Variants in FTSJ3 observed in about 807,000 individuals in gnomAD.
FTSJ3 encodes the protein pre-rRNA 2'-O-ribose RNA methyltransferase FTSJ3.
FTSJ3 carries 46 observed loss-of-function variants against 111.5 expected under a neutral mutation model. That is an observed-to-expected ratio of 0.41 (90% confidence interval 0.33 to 0.53). FTSJ3 has a LOEUF of 0.53. Among genes scored for constraint, FTSJ3 ranks in the 20% least tolerant of loss-of-function variants. FTSJ3 has a pLI of 0.19. For synonymous variants in FTSJ3, 408 were observed against 383.0 expected (o/e 1.07, Z -0.76); for missense variants, 1,075 against 1,063.8 (o/e 1.01, Z -0.15).
In FTSJ3 at chr17:63,821,823, T is replaced by A; in HGVS notation, c.1496A>T (p.Gln499Leu). 6.2e-7 allele frequency: 1 copy of A among 1,614,122 alleles called. No individual in the cohort carries two copies. The highest frequency in any genetic ancestry group is 8.5e-7 in the Non-Finnish European group (1 of 1,180,034). ...DQKRMRLTEV[Q>L]DDKEEEEEEN... ...CTCCTCCTCCTCCTCTTTATCATCT[T>A]GCACTTCAGTAAGTCGCATACTGTA... Residue 499 changes from glutamine to leucine, a missense_variant, in exon 15 of 21, where the codon CAA becomes CTA. Around this residue, in one of 2 missense-constraint regions of FTSJ3, gnomAD observed 867 missense variants for 796.9 expected, o/e 1.09. Transcript: ENST00000427159.
intron 14 of FTSJ3, 55 bp downstream of exon 14, chr17:63,821,929 C>T (rs1449139705): frequency 3.7e-6 from 6 of 1,612,478 alleles, no homozygotes; most frequent in Non-Finnish European, 5.1e-6. Flanking sequence ...GTAGTACCCA[C>T]CCTAACACTT....
intron 5 of FTSJ3, 126 bp from the exon 6 acceptor site, chr17:63,825,761 C>T: frequency 1.3e-6 from 1 of 746,548 alleles, no homozygotes; most frequent in East Asian, 2.6e-5. Context: ...ACAGGAGATA[C>T]AATAGTAAAC....
intron 19 of FTSJ3, 35 bp from the exon 20 acceptor site, chr17:63,820,208 T>TTCCC: frequency 1.4e-6 from 1 of 694,920 alleles, no homozygotes; most frequent in South Asian, 1.5e-5. Flanking sequence ...CTCTTCCCCA[T>TTCCC]CCCCCCACCC....
Position 63,827,440 on chromosome 17 carries a change from C to T in FTSJ3, c.-415G>A. On this transcript the variant is annotated 5_prime_UTR_variant, in exon 1 of 21. Transcript: ENST00000427159. ...CAGGTCCCAATCCTCCGCTTCCGCGCTTGCGCGCCAAGACGGCTCGGATGC... is the reference window on the plus strand; with the variant it reads ...CAGGTCCCAATCCTCCGCTTCCGCGTTTGCGCGCCAAGACGGCTCGGATGC... 6.4e-7 allele frequency: 1 copy of T among 1,551,720 alleles called. No individual in the cohort carries two copies. The highest frequency in any genetic ancestry group is 8.7e-7 in the Non-Finnish European group (1 of 1,146,986).
In FTSJ3 at chr17:63,826,348, C is replaced by G. The variant is rs376678045; in HGVS notation, c.174-44G>C. On this transcript the variant is annotated intron_variant, in intron 3 of 20. Transcript: ENST00000427159. ...TTTAAAAACCTAGAGCCATCCTTTT[C>G]CCCCTCTTGGCAACTGATCTCTCAT... 63 of 1,589,642 alleles carry G rather than the reference C, an allele frequency of 4.0e-5. No homozygotes were observed. The African/African-American group carries it at 7.9e-4, about 20-fold the overall frequency.
At chr17:63,824,471 G>A in intron 10 of FTSJ3, 60 bp from the exon 11 acceptor site, 1 of 1,579,746 alleles carries the variant, frequency 6.3e-7, no homozygotes, top group Non-Finnish European at 8.7e-7. Flanking sequence ...GCCCCCTTCT[G>A]TTTTAGGCTC....
chr17:63,821,402 T>C lies in FTSJ3; in HGVS notation c.1838A>G (p.Asp613Gly). ...AATGLEGEEK[D>G]GISDSDSSTS... is the part of the protein sequence containing the mutation. ...ACTGCTATCACTGTCTGAGATGCCA[T>C]CCTTTTCTTCCCCTTCAAGGCCAGT... The change falls in exon 16 of 21, where the codon GAT becomes GGT. Residue 613 changes from aspartate (D) to glycine (G), a missense_variant. Physicochemically the swap from Asp to Gly is moderately conservative, Grantham distance 94. Transcript: ENST00000427159. 6.2e-7 allele frequency: 1 copy of C among 1,614,010 alleles called. No individual in the cohort carries two copies. The highest frequency in any genetic ancestry group is 8.5e-7 in the Non-Finnish European group (1 of 1,180,030).
intron 16 of FTSJ3, 54 bp from the exon 17 acceptor site, chr17:63,821,169 G>T: frequency 1.3e-6 from 2 of 1,584,158 alleles, no homozygotes; most frequent in Non-Finnish European, 1.7e-6. Flanking sequence ...TACTCAGACC[G>T]CACTCCCACG....
rs1373876850 is a variant in FTSJ3 at position 63,826,984 on chromosome 17, CCAG to C, written c.-26-59_-26-57del. 574 of 179,230 alleles carry C rather than the reference CCAG, an allele frequency of 3.2e-3. 5 individuals are homozygous for C. In the African/African-American group the frequency reaches 0.25, roughly 78 times the overall value. The allele number at this position is 179,230 out of a possible 1,614,324, so 11.1% of individuals were successfully genotyped here. On this transcript the variant is annotated intron_variant, in intron 1 of 20. Coordinates refer to ENST00000427159, the MANE Select transcript of FTSJ3 (RefSeq NM_017647.4). Reference sequence around the variant, plus strand: ...CTTTCCGGAGCACCAGATTCCACTTCCAGTTTCCCACTTCCAGTTTCCCACTTC... The same window carrying C: ...CTTTCCGGAGCACCAGATTCCACTTCTTTCCCACTTCCAGTTTCCCACTTC...
At chr17:63,825,205 T>C in intron 7 of FTSJ3, 37 bp downstream of exon 7, 2 of 1,613,774 alleles carry the variant, frequency 1.2e-6, no homozygotes, top group Non-Finnish European at 1.7e-6. Context: ...CTTTGGGAGT[T>C]GGGAGCCTGG....
Position 63,822,782 on chromosome 17 carries a change from C to T in FTSJ3, c.1291-614G>A, listed in dbSNP as rs146761562. On this transcript the variant is annotated intron_variant, in intron 13 of 20. Transcript: ENST00000427159. Reference sequence around the variant, plus strand: ...TCCAGCCTGGGTGACAAAACAAGATCTTGTCTCAAAGGAAAAACTCCAACT... The same window carrying T: ...TCCAGCCTGGGTGACAAAACAAGATTTTGTCTCAAAGGAAAAACTCCAACT... Among the ~76,000 whole-genome samples the T allele has an allele frequency of 2.3e-3, 356 of 152,232 alleles. 1 individual carries two copies. Among genetic ancestry groups the T allele is most frequent in the South Asian group, 0.013 (63 of 4,820 alleles).
At chr17:63,820,028 C>T (rs2040032273) in intron 20 of FTSJ3, 34 bp from the exon 21 acceptor site, 2 of 1,613,950 alleles carry the variant, frequency 1.2e-6, no homozygotes, top group Non-Finnish European at 1.7e-6. Context: ...TAGAGGCTTG[C>T]TTTCTGCTGC....
Position 63,824,243 on chromosome 17 carries a change from G to C in FTSJ3, c.999-4C>G. The C allele has an allele frequency of 3.1e-6, 5 of 1,614,084 alleles. No homozygotes were observed. The highest frequency in any genetic ancestry group is 4.2e-6 in the Non-Finnish European group (5 of 1,180,016). On this transcript the variant is annotated splice_region_variant and splice_polypyrimidine_tract_variant and intron_variant, in intron 11 of 20. Transcript: ENST00000427159. ...ATCTTCCTCTCCAGAGCTGAGGCTGGCAAAACAGTCCCAAGAGTTGGGTTA... is the reference window on the plus strand; with the variant it reads ...ATCTTCCTCTCCAGAGCTGAGGCTGCCAAAACAGTCCCAAGAGTTGGGTTA...
rs202080801 is a variant in FTSJ3 at position 63,822,125 on chromosome 17, G to T, written c.1334C>A (p.Thr445Lys). 2 of 1,614,156 alleles carry T rather than the reference G, an allele frequency of 1.2e-6. No homozygotes were observed. The highest frequency in any genetic ancestry group is 2.7e-5 in the African/African-American group (2 of 75,046). Reference protein sequence around the residue: ...VTQGDMSAADTFLSDLPRDDI... With the variant: ...VTQGDMSAADKFLSDLPRDDI... ...ATCCCTTGGCAGATCGGACAGAAATGTGTCTGCTGCACTCATATCCCCTTG... is the reference window on the plus strand; with the variant it reads ...ATCCCTTGGCAGATCGGACAGAAATTTGTCTGCTGCACTCATATCCCCTTG... The change falls in exon 14 of 21, where the codon ACA (threonine) becomes AAA (lysine). Residue 445 changes from threonine (T) to lysine (K), a missense_variant. Thr to Lys is a moderately conservative substitution (Grantham distance 78). Around this residue, in one of 2 missense-constraint regions of FTSJ3, gnomAD observed 867 missense variants for 796.9 expected, o/e 1.09. Coordinates refer to ENST00000427159, the MANE Select transcript of FTSJ3 (RefSeq NM_017647.4).
intron 4 of FTSJ3, 43 bp downstream of exon 4, chr17:63,826,215 C>T (rs1012858060): frequency 1.2e-6 from 2 of 1,609,384 alleles, no homozygotes; most frequent in African/African-American, 2.7e-5. Context: ...ATACCTTATA[C>T]ACCCACCCCT....
At chr17:63,824,980 A>G in intron 8 of FTSJ3, 51 bp from the exon 9 acceptor site, 1 of 1,578,232 alleles carries the variant, frequency 6.3e-7, no homozygotes. Context: ...AGGTACCTGT[A>G]GGACCCACCA....
At position 63,820,118 on chromosome 17, in the gene FTSJ3, A is replaced by G; in HGVS notation, c.2312T>C (p.Val771Ala). 6.2e-7 allele frequency: 1 copy of G among 1,613,964 alleles called. No individual in the cohort carries two copies. The highest frequency in any genetic ancestry group is 8.5e-7 in the Non-Finnish European group (1 of 1,180,008). Residue 771 changes from valine to alanine, a missense_variant, in exon 20 of 21, where the codon GTG (valine) becomes GCG (alanine). Transcript: ENST00000427159. Reference protein sequence around the residue: ...RKKAEAVVNTVDISEREKVAQ... With the variant: ...RKKAEAVVNTADISEREKVAQ... ...CACTTTCTCTCGTTCTGAGATGTCC[A>G]CTGTGTTCACCACGGCTTCTGCCTT... is the stretch of plus-strand genomic sequence containing the variant.
Position 63,824,620 on chromosome 17 carries a change from C to T in FTSJ3, c.917+17G>A. The T allele has an allele frequency of 6.2e-7, 1 of 1,600,474 alleles. No individual in the cohort carries two copies. Among genetic ancestry groups the T allele is most frequent in the Non-Finnish European group, 8.6e-7 (1 of 1,167,676 alleles). On this transcript the variant is annotated intron_variant, in intron 10 of 20. Coordinates refer to ENST00000427159, the MANE Select transcript of FTSJ3 (RefSeq NM_017647.4). ...GCCTCCAGGGCTCCTGGCCCCCGTG[C>T]CTACCCCACTCCATACCTGAGCTCC... is the stretch of plus-strand genomic sequence containing the variant.
rs753225518 is a variant in FTSJ3, at chr17:63,821,864, A to AG, written c.1476-22dup. On this transcript the variant is annotated intron_variant, in intron 14 of 20. Coordinates refer to ENST00000427159, the MANE Select transcript of FTSJ3 (RefSeq NM_017647.4). ...GCATACTGTAGACCCAAAGGAAAGT[A>AG]GGGGGCTCAGAGACCCAGATTGCCT... 3.2e-5 allele frequency: 51 copies of AG among 1,614,026 alleles called. No homozygotes were observed. The South Asian group carries it at 5.3e-4, about 17-fold the overall frequency.
Sources: gnomAD v4.1 joint callset for allele counts (sites outside exome capture counted in the v4.1 genomes callset) on GRCh38, gnomAD v4.1.1 for gene constraint, gnomAD v4.1.1 regional missense constraint, MANE v1.5 for transcripts, NCBI Gene and HGNC (gene_info 2026-07-23, HGNC 2026-07-21) for gene names.